The following TTI1 variants were observed in gnomAD, a reference collection of about 807,000 sequenced individuals.
TTI1 encodes the protein TELO2 interacting protein 1.
In TTI1, 52 loss-of-function variants were observed where a neutral mutation model predicts 85.4. The observed-to-expected ratio is 0.61, with a 90% CI of 0.49 to 0.77. TTI1 has a LOEUF of 0.77. Among genes scored for constraint, TTI1 ranks in the 30% least tolerant of loss-of-function variants. TTI1 has a pLI of 0.00. For missense variants in TTI1, 1,173 were observed against 1,296.0 expected (o/e 0.91, Z 1.46); for synonymous variants, 512 against 503.9 (o/e 1.02, Z -0.22).
At position 38,013,634 on chromosome 20, in the gene TTI1, C is replaced by A. The variant is rs1449501877; in HGVS notation, c.183G>T (p.Lys61Asn). The A allele has an allele frequency of 6.2e-7, 1 of 1,614,202 alleles. No homozygotes were observed. Among genetic ancestry groups the A allele is most frequent in the Non-Finnish European group, 8.5e-7 (1 of 1,180,028 alleles). ...AACGCTCTCTTTTGGGACCTGGGGT[C>A]TTCAGGGTAAATCGCAGAGGGAAGA... Reference protein sequence around the residue: ...YILFPLRFTLKTPGPKRERLI... With the variant: ...YILFPLRFTLNTPGPKRERLI... The change falls in exon 2 of 8, where the codon AAG becomes AAT. Residue 61 changes from lysine (K) to asparagine (N), a missense_variant. Transcript: ENST00000373447.
At chr20:38,020,563 G>A (rs568735666) in intron 1 of TTI1, among the ~76,000 whole-genome samples, 245 of 151,082 alleles carry the variant, frequency 1.6e-3, no homozygotes, top group Middle Eastern at 3.4e-3. Flanking sequence ...GAGTGAAAAG[G>A]CAATTCAAAA....
chr20:38,013,420 A>C lies in TTI1; in HGVS notation c.397T>G (p.Ser133Ala), dbSNP rs767483191. The change falls in exon 2 of 8, where the codon TCA becomes GCA. Residue 133 changes from serine (S) to alanine (A), a missense_variant. Transcript: ENST00000373447. The stretch of plus-strand genomic sequence containing the variant: ...GTCAGAATGATGTCCCCATAAGCTG[A>C]GTGCATTAATGTGCTAAGTCCCTGG... ...VIQGLSTLMH[S>A]AYGDIILTFY... is the part of the protein sequence containing the mutation. The C allele has an allele frequency of 1.2e-5, 20 of 1,613,976 alleles. No individual in the cohort carries two copies. The highest frequency in any genetic ancestry group is 3.3e-5 in the South Asian group (3 of 91,088).
intron 2 of TTI1, among the ~76,000 whole-genome samples, chr20:38,010,930 G>A (rs957626173): frequency 2.7e-4 from 41 of 152,168 alleles, no homozygotes; most frequent in African/African-American, 8.4e-4. Flanking sequence ...GCTACATGTG[G>A]CTATTAAAAT....
chr20:37,994,810 C>T (rs1018469011), intron 7 of TTI1, among the ~76,000 whole-genome samples: 16 of 152,106 alleles, frequency 1.1e-4, no homozygotes, highest in Admixed American at 8.5e-4. Context: ...TCCCTGAACA[C>T]CAGCTCAAGA....
intron 7 of TTI1, among the ~76,000 whole-genome samples, chr20:37,995,064 C>T (rs1301865385): frequency 6.6e-6 from 1 of 152,164 alleles, no homozygotes; most frequent in African/African-American, 2.4e-5. Context: ...TTGAGTTGCA[C>T]TTTAAGTCAC....
At chr20:38,026,449 T>C (rs2073837371) in intron 1 of TTI1, among the ~76,000 whole-genome samples, 1 of 152,094 alleles carries the variant, frequency 6.6e-6, no homozygotes, top group Non-Finnish European at 1.5e-5. Flanking sequence ...TGAGCCACCA[T>C]GCCCAGAGGG....
intron 1 of TTI1, among the ~76,000 whole-genome samples, chr20:38,027,895 GCC>G (rs2073856345): frequency 1.3e-5 from 2 of 152,100 alleles, no homozygotes; most frequent in Middle Eastern, 3.2e-3. Context: ...TTGAACTCTA[GCC>G]TGGGTGACAG....
chr20:38,014,775 T>C (rs1434689049), intron 1 of TTI1, among the ~76,000 whole-genome samples: 2 of 152,048 alleles, frequency 1.3e-5, no homozygotes, highest in Non-Finnish European at 2.9e-5. Context: ...TGTCTTTTTT[T>C]TTGTGAAGAG....
chr20:38,028,591 T>A (rs565800380), intron 1 of TTI1, among the ~76,000 whole-genome samples: 1 of 152,168 alleles, frequency 6.6e-6, no homozygotes. Flanking sequence ...CAACAATGGA[T>A]AGGATAACTA....
At chr20:38,005,801 TAAAA>T (rs1225255227) in intron 3 of TTI1, 1 of 132,148 alleles carries the variant, frequency 7.6e-6, no homozygotes, top group East Asian at 2.1e-4. Context: ...AATAAAAAAA[TAAAA>T]AAAATAAAAA....
rs1369795918 is a variant in TTI1 at position 38,011,541 on chromosome 20, A to G, written c.2276T>C (p.Val759Ala). Residue 759 changes from valine (V) to alanine (A), a missense_variant, in exon 2 of 8, where the codon GTT (valine) becomes GCT (alanine). Transcript: ENST00000373447. ...YDKRAASFVS[V>A]LHALMAALAQ... ...TAATGCTGCCATCAGAGCATGCAGA[A>G]CGCTGACAAAGGAAGCAGCTCTCTT... 1.2e-6 allele frequency: 2 copies of G among 1,614,114 alleles called. No individual in the cohort carries two copies. The highest frequency in any genetic ancestry group is 1.7e-6 in the Non-Finnish European group (2 of 1,180,032).
chr20:38,011,466 C>T lies in TTI1; in HGVS notation c.2302+49G>A, dbSNP rs115154447. On this transcript the variant is annotated intron_variant, in intron 2 of 7. Transcript: ENST00000373447. ...AAACGAGGCTAAGCAAACTAGGAGA[C>T]TGAGTCCTGTCCCCCACACATCAGC... 3,950 of 1,579,088 alleles carry T rather than the reference C, an allele frequency of 2.5e-3. 32 individuals carry two copies. The highest frequency in any genetic ancestry group is 0.02 in the African/African-American group (1,496 of 73,784).
At position 37,985,311 on chromosome 20, in the gene TTI1, C is replaced by G. The variant is rs141687588; in HGVS notation, c.3087-1672G>C. On this transcript the variant is annotated intron_variant, in intron 7 of 7. Transcript: ENST00000373447. ...TATTATTGGCAATTATTCTAAGGAG[C>G]CTCTTGCATACTGCTGGGCATTAAA... 8.0e-3 allele frequency among the ~76,000 whole-genome samples: 1,216 copies of G among 152,244 alleles called. 6 individuals are homozygous for G. Among genetic ancestry groups the G allele is most frequent in the African/African-American group, 0.023 (950 of 41,514 alleles).
In TTI1 at chr20:37,996,355, G is replaced by A. The variant is rs1053119026; in HGVS notation, c.3086+20C>T. 17 of 1,613,084 alleles carry A rather than the reference G, an allele frequency of 1.1e-5. No individual in the cohort carries two copies. Among genetic ancestry groups the A allele is most frequent in the East Asian group, 4.5e-5 (2 of 44,888 alleles). On this transcript the variant is annotated intron_variant, in intron 7 of 7. Coordinates refer to ENST00000373447, the MANE Select transcript of TTI1 (RefSeq NM_001303457.2). ...ATTTAGAACAAACGTAAAGGGATGC[G>A]GGTGATCAGGCAGACGTACCTCCTG...
intron 7 of TTI1, among the ~76,000 whole-genome samples, chr20:37,983,928 A>G (rs2073156240): frequency 6.6e-6 from 1 of 152,214 alleles, no homozygotes; most frequent in Non-Finnish European, 1.5e-5. Context: ...CTTGGCAAAG[A>G]AAGAGGTTGA....
Position 38,012,016 on chromosome 20 carries a change from T to A in TTI1, c.1801A>T (p.Thr601Ser). The A allele has an allele frequency of 6.2e-7, 1 of 1,614,222 alleles. No homozygotes were observed. The highest frequency in any genetic ancestry group is 1.1e-5 in the South Asian group (1 of 91,086). Residue 601 changes from threonine to serine, a missense_variant, in exon 2 of 8, where the codon ACC becomes TCC. By Grantham distance (58) the Thr-to-Ser change is moderately conservative (BLOSUM62 1). Coordinates refer to ENST00000373447, the MANE Select transcript of TTI1 (RefSeq NM_001303457.2). ...GLQAITSGEHTCQVTSFLAFS... is the reference protein window; with the variant it reads ...GLQAITSGEHSCQVTSFLAFS... The stretch of plus-strand genomic sequence containing the variant: ...GCTAGAAAAGATGTAACTTGGCAGG[T>A]GTGTTCACCAGACGTGATGGCTTGG...
Position 38,013,091 on chromosome 20 carries a change from T to C in TTI1, c.726A>G (p.Thr242=). The C allele has an allele frequency of 6.2e-7, 1 of 1,614,222 alleles. No homozygotes were observed. The highest frequency in any genetic ancestry group is 8.5e-7 in the Non-Finnish European group (1 of 1,180,040). ...VVSSLKIFYK[T]VSFIMADEQL... is the part of the protein sequence containing the mutation. ...GTTCATCAGCCATAATGAAGCTCAC[T>C]GTCTTGTAAAAGATCTTTAGGGAAG... The change falls in exon 2 of 8, where the codon ACA becomes ACG. Residue 242 remains threonine (T), a synonymous_variant. Coordinates refer to ENST00000373447, the MANE Select transcript of TTI1 (RefSeq NM_001303457.2).
At chr20:38,017,435 T>TGG (rs879610985) in intron 1 of TTI1, among the ~76,000 whole-genome samples, 1 of 146,132 alleles carries the variant, frequency 6.8e-6, no homozygotes, top group Admixed American at 6.8e-5. Context: ...TGTGTGTGTG[T>TGG]GCGCGCGCGC....
intron 2 of TTI1, among the ~76,000 whole-genome samples, chr20:38,007,634 T>C (rs2073520679): frequency 6.6e-6 from 1 of 152,236 alleles, no homozygotes; most frequent in Non-Finnish European, 1.5e-5. Context: ...AAATCACTGC[T>C]CTGGTCCAGT....
Sources: gnomAD v4.1 joint callset for allele counts (sites outside exome capture counted in the v4.1 genomes callset) on GRCh38, gnomAD v4.1.1 for gene constraint, MANE v1.5 for transcripts, NCBI Gene and HGNC (gene_info 2026-07-23, HGNC 2026-07-21) for gene names.